The following C2CD5 variants were observed in gnomAD, a reference collection of about 807,000 sequenced individuals.
The protein encoded by C2CD5 is C2 domain-containing protein 5.
Under a neutral mutation model 130.3 loss-of-function variants are expected in C2CD5, and 109 were observed. That is an observed-to-expected ratio of 0.84 (90% CI 0.72 to 0.98). The LOEUF is 0.98. C2CD5 is among the 50% of genes least tolerant of loss of function. The probability of loss-of-function intolerance (pLI) is 0.00; values close to 1 mark genes in which losing one functional copy is unlikely to be tolerated. For synonymous variants in C2CD5, 454 were observed against 429.2 expected (o/e 1.06, Z -0.71); for missense variants, 996 against 1,261.8 (o/e 0.79, Z 3.19).
chr12:22,529,890 A>G (rs537579461), intron 3 of C2CD5, among the ~76,000 whole-genome samples: 51 of 151,750 alleles, frequency 3.4e-4, no homozygotes, highest in African/African-American at 1.2e-3. Flanking sequence ...GCTCACTGGA[A>G]CTCCAGGTGC....
At chr12:22,463,625 T>C (rs1941573932) in intron 22 of C2CD5, 1 of 152,150 alleles carries the variant, frequency 6.6e-6, no homozygotes, top group Admixed American at 6.5e-5. Context: ...AATTACACGG[T>C]CTCAAGTGTT....
chr12:22,513,967 CT>C (rs560242319), intron 8 of C2CD5, among the ~76,000 whole-genome samples: 1 of 152,192 alleles, frequency 6.6e-6, no homozygotes, highest in Non-Finnish European at 1.5e-5. Flanking sequence ...TCAACATAAA[CT>C]TTTTTTAAGT....
At chr12:22,486,367 C>A (rs1945518772) in intron 12 of C2CD5, among the ~76,000 whole-genome samples, 1 of 152,122 alleles carries the variant, frequency 6.6e-6, no homozygotes, top group African/African-American at 2.4e-5. Context: ...AAGCTTTAAT[C>A]CTAATCCAGT....
intron 12 of C2CD5, among the ~76,000 whole-genome samples, chr12:22,486,139 G>A (rs2136356617): frequency 6.9e-6 from 1 of 145,872 alleles, no homozygotes; most frequent in Non-Finnish European, 1.5e-5. Context: ...AGGATCCCTA[G>A]TTTTGACCTG....
intron 3 of C2CD5, among the ~76,000 whole-genome samples, chr12:22,530,526 C>T (rs866754274): frequency 3.3e-5 from 5 of 151,294 alleles, no homozygotes; most frequent in African/African-American, 7.3e-5. Context: ...GGCGTGATCT[C>T]GACTCACTGC....
intron 12 of C2CD5, among the ~76,000 whole-genome samples, chr12:22,485,753 G>A (rs1043794436): frequency 2.0e-5 from 3 of 151,940 alleles, no homozygotes; most frequent in Non-Finnish European, 4.4e-5. Context: ...TAACTAAACA[G>A]CTCACACAAA....
At chr12:22,506,893 G>T in intron 9 of C2CD5, 74 bp from the exon 10 acceptor site, 1 of 862,464 alleles carries the variant, frequency 1.2e-6, no homozygotes. Context: ...TAAAAAGCTT[G>T]CCATAGCAAC....
chr12:22,472,126 G>T, intron 18 of C2CD5, 61 bp from the exon 19 acceptor site: 1 of 1,051,126 alleles, frequency 9.5e-7, no homozygotes, highest in South Asian at 1.4e-5. Context: ...TTTAACAGTT[G>T]ATAAATTGCC....
At chr12:22,459,448 A>C in intron 23 of C2CD5, 44 bp downstream of exon 23, 1 of 1,321,034 alleles carries the variant, frequency 7.6e-7, no homozygotes, top group African/African-American at 1.5e-5. Flanking sequence ...CCAAACTAGA[A>C]TTTTACACCT....
At chr12:22,481,306 C>T (rs1015739586) in intron 14 of C2CD5, among the ~76,000 whole-genome samples, 4 of 152,018 alleles carry the variant, frequency 2.6e-5, no homozygotes, top group Non-Finnish European at 5.9e-5. Context: ...CAAAAAAGTC[C>T]AATTCTATAA....
At chr12:22,515,186 CAGA>C (rs1245081576) in intron 8 of C2CD5, 2 of 925,956 alleles carry the variant, frequency 2.2e-6, no homozygotes, top group Non-Finnish European at 2.6e-6. Context: ...GATGCAGATT[CAGA>C]AGATGATCAG....
At chr12:22,453,216 A>T (rs1385933778) in intron 26 of C2CD5, among the ~76,000 whole-genome samples, 9 of 152,164 alleles carry the variant, frequency 5.9e-5, no homozygotes, top group Non-Finnish European at 1.3e-4. Context: ...TGGGTCAGAA[A>T]CGCAGGGCCA....
intron 12 of C2CD5, among the ~76,000 whole-genome samples, chr12:22,488,953 C>T (rs1945978107): frequency 6.6e-6 from 1 of 151,556 alleles, no homozygotes; most frequent in South Asian, 2.1e-4. Flanking sequence ...CTCACTGCAA[C>T]CTCCACCTCC....
At position 22,504,342 on chromosome 12, in the gene C2CD5, C is replaced by T. The variant is rs149883876; in HGVS notation, c.1147+2369G>A. Among the ~76,000 whole-genome samples the T allele has an allele frequency of 4.8e-3, 717 of 148,856 alleles. 11 individuals carry two copies. Among genetic ancestry groups the T allele is most frequent in the African/African-American group, 0.017 (685 of 40,558 alleles). On this transcript the variant is annotated intron_variant, in intron 10 of 26. Coordinates refer to ENST00000446597, the MANE Select transcript of C2CD5 (RefSeq NM_001286176.2). Reference sequence around the variant, plus strand: ...TTTGAGAAGGAGTCTCATTCTGTTGCCCAGGCTGGAGTGCAGTGGCACGAT... The same window carrying T: ...TTTGAGAAGGAGTCTCATTCTGTTGTCCAGGCTGGAGTGCAGTGGCACGAT...
intron 14 of C2CD5, among the ~76,000 whole-genome samples, chr12:22,480,800 G>T (rs1410528495): frequency 2.0e-5 from 3 of 150,570 alleles, no homozygotes; most frequent in Admixed American, 6.6e-5. Context: ...AAGTATAAAA[G>T]AAATTTTTTT....
At position 22,498,273 on chromosome 12, in the gene C2CD5, C is replaced by T. The variant is rs539223272; in HGVS notation, c.1148-4936G>A. ...AGAATTACCCTAGACTGGGTGTGTACAGGACGTCTGCCTGGCTTAACAATT... is the reference window on the plus strand; with the variant it reads ...AGAATTACCCTAGACTGGGTGTGTATAGGACGTCTGCCTGGCTTAACAATT... On this transcript the variant is annotated intron_variant, in intron 10 of 26. Coordinates refer to ENST00000446597, the MANE Select transcript of C2CD5 (RefSeq NM_001286176.2). 2.0e-5 allele frequency among the ~76,000 whole-genome samples: 3 copies of T among 152,172 alleles called. No individual in the cohort carries two copies. In the East Asian group the frequency reaches 5.8e-4, roughly 29 times the overall value.
At chr12:22,492,591 G>A (rs532584579) in intron 11 of C2CD5, among the ~76,000 whole-genome samples, 9 of 152,230 alleles carry the variant, frequency 5.9e-5, no homozygotes, top group South Asian at 2.1e-4. Flanking sequence ...AGAGAGCAGC[G>A]AAGTAACTAA....
At chr12:22,471,867 C>A in intron 19 of C2CD5, 100 bp downstream of exon 19, 1 of 727,584 alleles carries the variant, frequency 1.4e-6, no homozygotes. Flanking sequence ...ATGATTCAGC[C>A]CACAACTGTG....
At chr12:22,533,595 C>T (rs931742848) in intron 3 of C2CD5, among the ~76,000 whole-genome samples, 1 of 152,138 alleles carries the variant, frequency 6.6e-6, no homozygotes, top group African/African-American at 2.4e-5. Flanking sequence ...AACAGTAACA[C>T]AACGGACTTC....
Sources: gnomAD v4.1 joint callset for allele counts (sites outside exome capture counted in the v4.1 genomes callset) on GRCh38, gnomAD v4.1.1 for gene constraint, MANE v1.5 for transcripts, NCBI Gene and HGNC (gene_info 2026-07-23, HGNC 2026-07-21) for gene names.